LAMB4: variants seen among roughly 807,000 people sequenced by gnomAD.
LAMB4 encodes the protein laminin subunit beta 4.
A neutral mutation model predicts 199.2 loss-of-function variants in LAMB4; 196 were observed. The observed-to-expected ratio is 0.98, with a 90% confidence interval of 0.88 to 1.11. The LOEUF is 1.11. Ranked by LOEUF, LAMB4 falls within the 50% of genes least tolerant of loss-of-function variation. The pLI is 0.00. For synonymous variants in LAMB4, 744 were observed against 770.6 expected, an observed-to-expected ratio of 0.97 and a Z score of 0.57; for missense variants, 2,080 against 2,171.2, an observed-to-expected ratio of 0.96 and a Z score of 0.83.
Position 108,037,442 on chromosome 7 carries a change from A to G in LAMB4, c.4625T>C (p.Leu1542Ser), listed in dbSNP as rs376336528. 3.9e-5 allele frequency: 63 copies of G among 1,614,008 alleles called. No homozygotes were observed. Among genetic ancestry groups the G allele is most frequent in the Non-Finnish European group, 5.3e-5 (62 of 1,180,022 alleles). The part of the protein sequence containing the change: ...CEDYRTDENR[L>S]NEEADGAQKL... ...TTGGGCTCCATCTGCTTCTTCATTT[A>G]ACCTGTTTTCATCTGTCCTGTAATC... Residue 1542 changes from leucine to serine, a missense_variant, in exon 30 of 34, where the codon TTA becomes TCA. Transcript: ENST00000388781.
intron 11 of LAMB4, among the ~76,000 whole-genome samples, chr7:108,097,580 C>T (rs1450429073): frequency 9.2e-5 from 14 of 152,230 alleles, no homozygotes; most frequent in Middle Eastern, 3.4e-3. Flanking sequence ...GGTCAGGAGA[C>T]AGAGACCATC....
At chr7:108,114,781 C>T (rs1014462563) in intron 3 of LAMB4, among the ~76,000 whole-genome samples, 1 of 152,098 alleles carries the variant, frequency 6.6e-6, no homozygotes, top group Admixed American at 6.5e-5. Flanking sequence ...ATGGGGTGGA[C>T]GTGATTACCT....
In LAMB4 at chr7:108,123,158, A is replaced by C. The variant is rs1476076178; in HGVS notation, c.7T>G (p.Phe3Val). The change falls in exon 2 of 34, where the codon TTT becomes GTT. Residue 3 changes from phenylalanine to valine, a missense_variant. Phe to Val is a conservative substitution (Grantham distance 50). Transcript: ENST00000388781. ...AGGTGCAAAAAAAGGGTCAGTTGAA[A>C]TTGCATTCTTTTGTCAGGAGATGAT... is the stretch of plus-strand genomic sequence containing the variant. MQ[F>V]QLTLFLHLGW... 2 of 1,611,194 alleles carry C rather than the reference A, an allele frequency of 1.2e-6. No homozygotes were observed. Among genetic ancestry groups the C allele is most frequent in the African/African-American group, 1.3e-5 (1 of 74,844 alleles).
chr7:108,062,720 T>C, intron 23 of LAMB4, 54 bp downstream of exon 23: 1 of 1,024,612 alleles, frequency 9.8e-7, no homozygotes, highest in Non-Finnish European at 1.3e-6. Context: ...TTAGAAACCA[T>C]GTCTCACTAT....
At chr7:108,089,456 C>G (rs759198496) in intron 14 of LAMB4, among the ~76,000 whole-genome samples, 5 of 152,188 alleles carry the variant, frequency 3.3e-5, no homozygotes, top group Non-Finnish European at 5.9e-5. Flanking sequence ...CTCATAAAGT[C>G]TCACTCATGG....
chr7:108,057,868 C>T lies in LAMB4; in HGVS notation c.3343G>A (p.Glu1115Lys), dbSNP rs759129903. The change falls in exon 24 of 34, where the codon GAA (glutamate) becomes AAA (lysine). Residue 1115 changes from glutamate to lysine, a missense_variant. By Grantham distance (56) the Glu-to-Lys change is moderately conservative (BLOSUM62 1). Coordinates refer to ENST00000388781, the MANE Select transcript of LAMB4 (RefSeq NM_007356.3). ...CCAGGTGGATCACCATAATAATTTTCCTGGCACTCACTGCAACGTTTCCCG... is the reference window on the plus strand; with the variant it reads ...CCAGGTGGATCACCATAATAATTTTTCTGGCACTCACTGCAACGTTTCCCG... ...YGGKRCSECQ[E>K]NYYGDPPGRC... 3 of 1,613,680 alleles carry T rather than the reference C, an allele frequency of 1.9e-6. No individual in the cohort carries two copies. The highest frequency in any genetic ancestry group is 4.5e-5 in the East Asian group (2 of 44,872).
chr7:108,017,521 A>G, the LAMB4 span, among the ~76,000 whole-genome samples: 1 of 152,210 alleles, frequency 6.6e-6, no homozygotes, highest in South Asian at 2.1e-4. Flanking sequence ...ATTTATTTAG[A>G]GTGCTCCACA....
chr7:108,128,179 C>T lies in LAMB4; in HGVS notation c.-34+2127G>A, dbSNP rs112872777. On this transcript the variant is annotated intron_variant, in intron 1 of 33. Coordinates refer to ENST00000388781, the MANE Select transcript of LAMB4 (RefSeq NM_007356.3). ...TGCTGTATGAACTGCATGACTTTTA[C>T]AAGCAGGAGCGGTTCTCCAGTGCAG... Among the ~76,000 whole-genome samples the T allele has an allele frequency of 7.9e-3, 1,198 of 152,222 alleles. 13 individuals carry two copies. The highest frequency in any genetic ancestry group is 0.01 in the Middle Eastern group (3 of 294).
At chr7:108,111,260 G>A (rs1243016135) in intron 4 of LAMB4, among the ~76,000 whole-genome samples, 1 of 152,200 alleles carries the variant, frequency 6.6e-6, no homozygotes. Context: ...GATGGTCAGC[G>A]CCAATGTAGG....
downstream of LAMB4, among the ~76,000 whole-genome samples, chr7:108,020,777 C>T (rs1335843541): frequency 2.6e-5 from 4 of 152,090 alleles, no homozygotes; most frequent in Admixed American, 1.3e-4. Flanking sequence ...GACTTTGGGC[C>T]CTAATCTCTA....
downstream of LAMB4, among the ~76,000 whole-genome samples, chr7:108,023,095 T>G (rs1316825631): frequency 6.6e-6 from 1 of 152,214 alleles, no homozygotes; most frequent in African/African-American, 2.4e-5. Flanking sequence ...ATTATAGGCA[T>G]GAGTCACCAT....
intron 23 of LAMB4, among the ~76,000 whole-genome samples, chr7:108,061,176 GC>G (rs1221010368): frequency 1.3e-5 from 2 of 152,148 alleles, no homozygotes; most frequent in Non-Finnish European, 2.9e-5. Flanking sequence ...AACTGTCGCA[GC>G]CAAGAGGAGC....
intron 29 of LAMB4, among the ~76,000 whole-genome samples, chr7:108,042,388 A>C (rs1357281409): frequency 6.6e-6 from 1 of 151,824 alleles, no homozygotes; most frequent in Non-Finnish European, 1.5e-5. Flanking sequence ...GAGTAATAAG[A>C]GGACAGGCTC....
chr7:108,065,619 G>C lies in LAMB4; in HGVS notation c.2836+143C>G, dbSNP rs1179692886. 5 of 539,744 alleles carry C rather than the reference G, an allele frequency of 9.3e-6. No homozygotes were observed. In the African/African-American group the frequency reaches 9.7e-5, roughly 11 times the overall value. 33.4% of individuals were successfully genotyped at this position (539,744 alleles called of 1,614,324 possible). On this transcript the variant is annotated intron_variant, in intron 21 of 33. Transcript: ENST00000388781. ...TCATTCAAATTCTTTGTTCAATAAA[G>C]CAGCTATTTATCACATTGTGTCTTC...
At position 108,126,554 on chromosome 7, in the gene LAMB4, C is replaced by CTTTT. The variant is rs71137605; in HGVS notation, c.-33-3361_-33-3358dup. 4.0e-4 allele frequency among the ~76,000 whole-genome samples: 33 copies of CTTTT among 83,530 alleles called. 5 individuals are homozygous for CTTTT. Among genetic ancestry groups the CTTTT allele is most frequent in the Non-Finnish European group, 4.3e-4 (21 of 49,214 alleles). The allele number at this position is 83,530 out of a possible 152,430, so 54.8% of individuals were successfully genotyped here. ...TTGTAGGATGTGTCAGAATTTCTTTCTTTTTTTTTTTTTTTTTTTTTGAGA... is the reference window on the plus strand; with the variant it reads ...TTGTAGGATGTGTCAGAATTTCTTTCTTTTTTTTTTTTTTTTTTTTTTTTTGAGA... On this transcript the variant is annotated intron_variant, in intron 1 of 33. Transcript: ENST00000388781.
chr7:108,109,048 AG>A (rs1415778350), intron 5 of LAMB4, 122 bp downstream of exon 5: 44 of 702,866 alleles, frequency 6.3e-5, no homozygotes, highest in Non-Finnish European at 1.1e-4. Context: ...CAGGTGGCAA[AG>A]GTCAAGTCTG....
chr7:108,013,990 T>C, the LAMB4 span, among the ~76,000 whole-genome samples: 1 of 152,166 alleles, frequency 6.6e-6, no homozygotes, highest in South Asian at 2.1e-4. Context: ...TATATAATTT[T>C]TGAGGAATTA....
intron 10 of LAMB4, among the ~76,000 whole-genome samples, chr7:108,099,490 G>A (rs865823505): frequency 5.3e-5 from 8 of 152,132 alleles, no homozygotes; most frequent in Admixed American, 1.3e-4. Context: ...ATACTGCAGC[G>A]AACCCCTCAT....
chr7:108,114,277 A>G (rs2038334263), intron 3 of LAMB4, among the ~76,000 whole-genome samples: 1 of 152,076 alleles, frequency 6.6e-6, no homozygotes, highest in African/African-American at 2.4e-5. Flanking sequence ...AAAAATTAAC[A>G]GGGCATGGTG....
Sources: gnomAD v4.1 joint callset for allele counts (sites outside exome capture counted in the v4.1 genomes callset) on GRCh38, gnomAD v4.1.1 for gene constraint, MANE v1.5 for transcripts, NCBI Gene and HGNC (gene_info 2026-07-23, HGNC 2026-07-21) for gene names.